RTTN: variants seen among roughly 807,000 people sequenced by gnomAD.
RTTN encodes rotatin.
In RTTN, 182 loss-of-function variants were observed where a neutral mutation model predicts 269.2. That is an observed-to-expected ratio of 0.68 (90% CI 0.60 to 0.76). RTTN has a LOEUF of 0.76. RTTN is among the 30% of genes least tolerant of loss of function. The probability of loss-of-function intolerance (pLI) is 0.00; values close to 1 mark genes in which losing one functional copy is unlikely to be tolerated. For missense variants in RTTN, 2,545 were observed against 2,608.6 expected, an observed-to-expected ratio of 0.98 and a Z score of 0.53; for synonymous variants, 1,006 against 963.5, an observed-to-expected ratio of 1.04 and a Z score of -0.82.
intron 40 of RTTN, among the ~76,000 whole-genome samples, chr18:70,042,189 A>C (rs918780098): frequency 3.3e-5 from 5 of 152,154 alleles, no homozygotes; most frequent in Non-Finnish European, 7.4e-5. Context: ...TCTCTGAAGT[A>C]ATTTAGAAAG....
chr18:70,020,895 ATCTG>A, intron 44 of RTTN, 78 bp from the exon 45 acceptor site: 1 of 1,210,380 alleles, frequency 8.3e-7, no homozygotes, highest in South Asian at 1.4e-5. Context: ...GGCAAAGCAT[ATCTG>A]TCTAACAAAA....
intron 28 of RTTN, among the ~76,000 whole-genome samples, chr18:70,107,117 A>C (rs543997469): frequency 7.2e-5 from 11 of 152,326 alleles, no homozygotes; most frequent in African/African-American, 2.6e-4. Flanking sequence ...ACTATAACAA[A>C]GATGTAGGAC....
At chr18:70,038,241 T>C (rs2057235221) in intron 40 of RTTN, among the ~76,000 whole-genome samples, 1 of 152,194 alleles carries the variant, frequency 6.6e-6, no homozygotes, top group Non-Finnish European at 1.5e-5. Context: ...CTACTGATTA[T>C]GAAGTCCTAG....
intron 31 of RTTN, 97 bp from the exon 32 acceptor site, chr18:70,086,781 G>T: frequency 9.2e-7 from 1 of 1,085,218 alleles, no homozygotes; most frequent in Non-Finnish European, 1.3e-6. Context: ...CCAATATATT[G>T]TAATTAATAG....
At chr18:70,149,354 A>G (rs1347878681) in intron 16 of RTTN, among the ~76,000 whole-genome samples, 1 of 151,978 alleles carries the variant, frequency 6.6e-6, no homozygotes, top group Non-Finnish European at 1.5e-5. Context: ...TCCTCAGCCC[A>G]TCCCCACCCT....
intron 40 of RTTN, among the ~76,000 whole-genome samples, chr18:70,046,956 T>A (rs530267574): frequency 1.3e-5 from 2 of 152,208 alleles, no homozygotes; most frequent in African/African-American, 4.8e-5. Flanking sequence ...CCTTTCTGCA[T>A]CTCAACATCA....
chr18:70,151,287 T>C (rs1428430971), intron 14 of RTTN, among the ~76,000 whole-genome samples: 3 of 150,222 alleles, frequency 2.0e-5, no homozygotes, highest in Non-Finnish European at 4.4e-5. Flanking sequence ...TTATCATCAA[T>C]ACAGCTATGT....
chr18:70,074,020 A>G (rs777713866), intron 33 of RTTN, 26 bp from the exon 34 acceptor site: 7 of 1,440,236 alleles, frequency 4.9e-6, no homozygotes, highest in South Asian at 1.1e-5. Context: ...AATTGTTAAC[A>G]TGGACACCCT....
At position 70,196,085 on chromosome 18, in the gene RTTN, A is replaced by G. The variant is rs144127039; in HGVS notation, c.841+416T>C. Among the ~76,000 whole-genome samples, 8 of 152,236 alleles carry G rather than the reference A, an allele frequency of 5.3e-5. No homozygotes were observed. The East Asian group carries it at 1.5e-3, about 29-fold the overall frequency. ...TTGCTGCAACACTTGACTACATTGC[A>G]AGTTGCATAAAAATACTCTTCATAA... On this transcript the variant is annotated intron_variant, in intron 7 of 48. Coordinates refer to ENST00000640769, the MANE Select transcript of RTTN (RefSeq NM_173630.4).
chr18:70,025,457 T>G (rs900250708), intron 43 of RTTN, among the ~76,000 whole-genome samples: 2 of 152,228 alleles, frequency 1.3e-5, no homozygotes, highest in African/African-American at 4.8e-5. Flanking sequence ...CTATTTTAAA[T>G]GAACAAGAAT....
intron 40 of RTTN, among the ~76,000 whole-genome samples, chr18:70,032,198 T>C (rs1339607739): frequency 6.6e-6 from 1 of 152,178 alleles, no homozygotes; most frequent in African/African-American, 2.4e-5. Context: ...TGCAGGGTGG[T>C]CTTGCCCATG....
intron 34 of RTTN, among the ~76,000 whole-genome samples, chr18:70,069,703 T>A (rs2058244722): frequency 6.6e-6 from 1 of 152,206 alleles, no homozygotes; most frequent in South Asian, 2.1e-4. Flanking sequence ...AATATTGTAT[T>A]TGCCAAAATG....
chr18:70,083,671 T>A (rs1421387576), intron 32 of RTTN, among the ~76,000 whole-genome samples: 1 of 152,140 alleles, frequency 6.6e-6, no homozygotes, highest in Non-Finnish European at 1.5e-5. Context: ...GAGAAAAGAT[T>A]TAAGGCCCAT....
At chr18:70,155,458 C>G (rs183400613) in intron 14 of RTTN, among the ~76,000 whole-genome samples, 2 of 152,326 alleles carry the variant, frequency 1.3e-5, no homozygotes, top group African/African-American at 4.8e-5. Context: ...TTCACAACAA[C>G]ACAAAAGAAG....
intron 34 of RTTN, 48 bp downstream of exon 34, chr18:70,073,858 T>A (rs770639992): frequency 2.8e-6 from 4 of 1,432,152 alleles, no homozygotes; most frequent in Non-Finnish European, 3.9e-6. Flanking sequence ...CAAACTCAAA[T>A]TTTTTCAGAG....
Position 70,150,092 on chromosome 18 carries a change from T to C in RTTN, c.2056-5A>G. 1 of 1,589,900 alleles carries C rather than the reference T, an allele frequency of 6.3e-7. No homozygotes were observed. The highest frequency in any genetic ancestry group is 8.6e-7 in the Non-Finnish European group (1 of 1,158,328). Reference sequence around the variant, plus strand: ...GGCCTTGGCAGCAGTGTTCACCTGCTCAACAACACAGACCCGATAAACCAG... The same window carrying C: ...GGCCTTGGCAGCAGTGTTCACCTGCCCAACAACACAGACCCGATAAACCAG... On this transcript the variant is annotated splice_region_variant and splice_polypyrimidine_tract_variant and intron_variant, in intron 15 of 48. Coordinates refer to ENST00000640769, the MANE Select transcript of RTTN (RefSeq NM_173630.4).
intron 11 of RTTN, among the ~76,000 whole-genome samples, chr18:70,176,075 A>G (rs1429044767): frequency 6.6e-6 from 1 of 152,170 alleles, no homozygotes; most frequent in Non-Finnish European, 1.5e-5. Context: ...GTATATATGT[A>G]TGGAAAAATG....
At chr18:70,140,605 A>T (rs1308527010) in intron 19 of RTTN, among the ~76,000 whole-genome samples, 1 of 152,142 alleles carries the variant, frequency 6.6e-6, no homozygotes, top group Non-Finnish European at 1.5e-5. Context: ...TATGACTTAC[A>T]ACATGAACAT....
In RTTN at chr18:70,062,563, A is replaced by G. The variant is rs561377846; in HGVS notation, c.4748-2521T>C. 2.7e-5 allele frequency among the ~76,000 whole-genome samples: 4 copies of G among 149,104 alleles called. No homozygotes were observed. The East Asian group carries it at 7.8e-4, about 29-fold the overall frequency. On this transcript the variant is annotated intron_variant, in intron 35 of 48. Transcript: ENST00000640769. ...TGTGCTTCTTTCTTCACTTGACAAT[A>G]TTTCCTAAAATTTGGTCCATATCTG...
Sources: gnomAD v4.1 joint callset for allele counts (sites outside exome capture counted in the v4.1 genomes callset) on GRCh38, gnomAD v4.1.1 for gene constraint, MANE v1.5 for transcripts, NCBI Gene and HGNC (gene_info 2026-07-23, HGNC 2026-07-21) for gene names.